CADPS2: variants seen among roughly 807,000 people sequenced by gnomAD.
CADPS2 encodes the protein calcium-dependent secretion activator 2.
CADPS2 carries 93 observed loss-of-function variants against 172.5 expected under a neutral mutation model. The ratio of observed to expected loss-of-function variants is 0.54; its 90% CI spans 0.46 to 0.64. The LOEUF is 0.64. Ranked by LOEUF, CADPS2 falls within the 30% of genes least tolerant of loss-of-function variation. The pLI is 0.00. For missense variants in CADPS2, 1,420 were observed against 1,565.9 expected, an observed-to-expected ratio of 0.91 and a Z score of 1.57; for synonymous variants, 546 against 555.2, an observed-to-expected ratio of 0.98 and a Z score of 0.23.
chr7:122,416,247 G>A (rs774722586), intron 17 of CADPS2, 83 bp from the exon 18 acceptor site: 107 of 559,322 alleles, frequency 1.9e-4, no homozygotes, highest in Non-Finnish European at 2.9e-4. Flanking sequence ...AGACTAGAAT[G>A]TTGAAATAGA....
intron 20 of CADPS2, among the ~76,000 whole-genome samples, chr7:122,395,689 C>CA (rs2045001763): frequency 6.6e-6 from 1 of 152,190 alleles, no homozygotes; most frequent in Non-Finnish European, 1.5e-5. Context: ...TAAGAACTCT[C>CA]ATTCTCTTCT....
At chr7:122,412,410 A>C (rs1455401065) in intron 19 of CADPS2, among the ~76,000 whole-genome samples, 2 of 152,214 alleles carry the variant, frequency 1.3e-5, no homozygotes, top group African/African-American at 4.8e-5. Flanking sequence ...AAAAAAATCA[A>C]ATACCCTTTC....
rs561324686 is a variant in CADPS2 at position 122,519,931 on chromosome 7, T to C, written c.1476-6616A>G. Among the ~76,000 whole-genome samples the C allele has an allele frequency of 6.8e-4, 103 of 152,130 alleles. 2 individuals are homozygous for C. The highest frequency in any genetic ancestry group is 2.4e-3 in the African/African-American group (99 of 41,556). ...TACTACCAACAAGGCAAATAGTATA[T>C]TTTAAAAATCTTCTATATCTGTAGT... On this transcript the variant is annotated intron_variant, in intron 8 of 29. Transcript: ENST00000449022.
rs561084088 is a variant in CADPS2 at position 122,647,231 on chromosome 7, G to A, written c.786+16006C>T. 2.8e-4 allele frequency among the ~76,000 whole-genome samples: 43 copies of A among 151,942 alleles called. No individual in the cohort carries two copies. The South Asian group carries it at 5.8e-3, about 21-fold the overall frequency. ...TTTACTACAGTTTTTTTTTCCAGTGGATCTAACTAAGAGCAAAATCCCAAT... is the reference window on the plus strand; with the variant it reads ...TTTACTACAGTTTTTTTTTCCAGTGAATCTAACTAAGAGCAAAATCCCAAT... On this transcript the variant is annotated intron_variant, in intron 3 of 29. Transcript: ENST00000449022.
At chr7:122,588,357 T>C (rs940122999) in intron 6 of CADPS2, among the ~76,000 whole-genome samples, 5 of 152,048 alleles carry the variant, frequency 3.3e-5, no homozygotes, top group African/African-American at 7.2e-5. Context: ...CTTTAATCCA[T>C]CTTGAGTTAA....
rs1408505223 is a variant in CADPS2 at position 122,318,793 on chromosome 7, A to AC, written c.*1371dup. ...TTAAGGCTAGTCTAGGTACCTAACG[A>AC]CCACTTATTACACCATGGGAGAACG... On this transcript the variant is annotated 3_prime_UTR_variant, in exon 30 of 30. Coordinates refer to ENST00000449022, the MANE Select transcript of CADPS2 (RefSeq NM_017954.11). 1 of 152,192 alleles carries AC rather than the reference A, an allele frequency of 6.6e-6. No homozygotes were observed. Among genetic ancestry groups the AC allele is most frequent in the East Asian group, 1.9e-4 (1 of 5,190 alleles). 9.4% of individuals were successfully genotyped at this position (152,192 alleles called of 1,614,324 possible).
intron 2 of CADPS2, among the ~76,000 whole-genome samples, chr7:122,704,781 T>C (rs1371409736): frequency 6.6e-6 from 1 of 152,172 alleles, no homozygotes; most frequent in African/African-American, 2.4e-5. Flanking sequence ...GGTTTTCAAC[T>C]TGGGGGCAAT....
intron 25 of CADPS2, among the ~76,000 whole-genome samples, chr7:122,368,818 C>T (rs962995754): frequency 3.9e-5 from 6 of 152,068 alleles, no homozygotes; most frequent in African/African-American, 1.2e-4. Flanking sequence ...CAGCAGGCTC[C>T]ATGCAGATAT....
chr7:122,405,549 G>C (rs566743089), intron 20 of CADPS2, among the ~76,000 whole-genome samples: 2 of 152,210 alleles, frequency 1.3e-5, no homozygotes, highest in African/African-American at 4.8e-5. Flanking sequence ...TGTAATCCCA[G>C]CTACTTGGGA....
chr7:122,722,570 A>G (rs2090564744), intron 2 of CADPS2, among the ~76,000 whole-genome samples: 1 of 150,430 alleles, frequency 6.6e-6, no homozygotes, highest in Non-Finnish European at 1.5e-5. Flanking sequence ...AGAACATTCC[A>G]TGCTCATTGA....
At chr7:122,761,209 A>C (rs1456209611) in intron 1 of CADPS2, among the ~76,000 whole-genome samples, 2 of 152,200 alleles carry the variant, frequency 1.3e-5, no homozygotes, top group Non-Finnish European at 2.9e-5. Context: ...ACATAACTGA[A>C]AGTGGGATGC....
At chr7:122,375,868 A>T (rs532589209) in intron 25 of CADPS2, among the ~76,000 whole-genome samples, 1 of 151,752 alleles carries the variant, frequency 6.6e-6, no homozygotes, top group Non-Finnish European at 1.5e-5. Context: ...TTGTCTGATA[A>T]GGAGTTGACA....
chr7:122,663,592 CA>C, intron 2 of CADPS2, 23 bp from the exon 3 acceptor site: 2 of 1,524,138 alleles, frequency 1.3e-6, no homozygotes, highest in Non-Finnish European at 1.8e-6. Flanking sequence ...CAAAACAAAA[CA>C]AAACAAAAAA....
At chr7:122,489,478 G>A (rs1165113700) in intron 11 of CADPS2, among the ~76,000 whole-genome samples, 1 of 152,062 alleles carries the variant, frequency 6.6e-6, no homozygotes, top group East Asian at 1.9e-4. Context: ...GTTTGAAGAT[G>A]TTTTGACCAT....
At chr7:122,420,251 C>T (rs1478543137) in intron 17 of CADPS2, among the ~76,000 whole-genome samples, 3 of 152,344 alleles carry the variant, frequency 2.0e-5, no homozygotes, top group East Asian at 3.9e-4. Flanking sequence ...AAAGGAATCA[C>T]AGAACCAACC....
At chr7:122,797,004 A>C (rs1173857818) in intron 1 of CADPS2, among the ~76,000 whole-genome samples, 3 of 152,162 alleles carry the variant, frequency 2.0e-5, no homozygotes. Flanking sequence ...AAAGAACTTA[A>C]ATTTACAAGA....
chr7:122,838,784 C>T lies in CADPS2; in HGVS notation c.339+47215G>A, dbSNP rs577202773. On this transcript the variant is annotated intron_variant, in intron 1 of 29. Transcript: ENST00000449022. ...CTGCTCAACGAAATAAAAGAGAACA[C>T]AAACAAATGGAAGAAAATTCCATGC... Among the ~76,000 whole-genome samples, 9 of 152,260 alleles carry T rather than the reference C, an allele frequency of 5.9e-5. No homozygotes were observed. The East Asian group carries it at 1.7e-3, about 29-fold the overall frequency.
At chr7:122,424,855 G>C (rs1420261439) in intron 17 of CADPS2, among the ~76,000 whole-genome samples, 1 of 152,168 alleles carries the variant, frequency 6.6e-6, no homozygotes, top group Non-Finnish European at 1.5e-5. Flanking sequence ...GGAGAAGAAA[G>C]TTTTCTATGC....
intron 11 of CADPS2, among the ~76,000 whole-genome samples, chr7:122,481,940 G>C (rs553919767): frequency 6.6e-6 from 1 of 152,104 alleles, no homozygotes; most frequent in South Asian, 2.1e-4. Flanking sequence ...GCTGAGGCAC[G>C]AGAATGGCTT....
Sources: gnomAD v4.1 joint callset for allele counts (sites outside exome capture counted in the v4.1 genomes callset) on GRCh38, gnomAD v4.1.1 for gene constraint, MANE v1.5 for transcripts, NCBI Gene and HGNC (gene_info 2026-07-23, HGNC 2026-07-21) for gene names.